Variants in CREBBP observed in about 807,000 individuals in gnomAD.
CREBBP encodes the protein CREB binding lysine acetyltransferase.
In CREBBP, 19 loss-of-function variants were observed where a neutral mutation model predicts 265.0. That is an observed-to-expected ratio of 0.07 (90% CI 0.05 to 0.11). The LOEUF is 0.11. CREBBP is among the 10% of genes least tolerant of loss of function. CREBBP has a pLI of 1.00. For synonymous variants in CREBBP, 1,457 were observed against 1,223.7 expected (o/e 1.19, Z -3.98); for missense variants, 2,525 against 3,219.0 (o/e 0.78, Z 5.22).
intron 19 of CREBBP, among the ~76,000 whole-genome samples, chr16:3,752,554 G>A (rs919527487): frequency 6.6e-6 from 1 of 151,642 alleles, no homozygotes; most frequent in African/African-American, 2.4e-5. Context: ...AATGCAGTCA[G>A]GGTCAAAGAC....
At chr16:3,821,903 ACC>A in intron 2 of CREBBP, among the ~76,000 whole-genome samples, 1 of 152,050 alleles carries the variant, frequency 6.6e-6, no homozygotes, top group South Asian at 2.1e-4. Flanking sequence ...GGTGGCACAC[ACC>A]TGTAGCCCCA....
chr16:3,732,627 C>A (rs1234077628), intron 28 of CREBBP, among the ~76,000 whole-genome samples: 2 of 152,156 alleles, frequency 1.3e-5, no homozygotes, highest in Non-Finnish European at 2.9e-5. Flanking sequence ...GTGGTGTCAT[C>A]TTGGGTTCAA....
chr16:3,751,020 A>AAC (rs2052459861), intron 20 of CREBBP, among the ~76,000 whole-genome samples: 1 of 152,020 alleles, frequency 6.6e-6, no homozygotes, highest in Admixed American at 6.6e-5. Context: ...GCAAGAGTTC[A>AAC]AGACCAGCCT....
In CREBBP at chr16:3,879,949, G is replaced by T. The variant is rs759165980; in HGVS notation, c.-33C>A. On this transcript the variant is annotated 5_prime_UTR_variant, in exon 1 of 31. Coordinates refer to ENST00000262367, the MANE Select transcript of CREBBP (RefSeq NM_004380.3). ...TGCTCGCGAAAACAGCCCCGGGCAC[G>T]GGCGGCCGGGCCGGCGAGGGCCCGG... The T allele has an allele frequency of 1.9e-6, 3 of 1,595,246 alleles. No homozygotes were observed. The highest frequency in any genetic ancestry group is 1.3e-5 in the African/African-American group (1 of 74,170).
chr16:3,867,924 T>C (rs905265677), intron 1 of CREBBP, among the ~76,000 whole-genome samples: 1 of 152,038 alleles, frequency 6.6e-6, no homozygotes, highest in Non-Finnish European at 1.5e-5. Context: ...AGACCCTGTC[T>C]CAAAATAAAT....
intron 3 of CREBBP, among the ~76,000 whole-genome samples, chr16:3,803,664 T>C (rs746829576): frequency 6.6e-6 from 1 of 151,998 alleles, no homozygotes; most frequent in East Asian, 1.9e-4. Context: ...GGGTAAGAAA[T>C]GTGGCCAAGG....
intron 11 of CREBBP, among the ~76,000 whole-genome samples, chr16:3,777,025 T>G (rs901407197): frequency 2.1e-5 from 3 of 140,858 alleles, no homozygotes; most frequent in Non-Finnish European, 3.1e-5. Flanking sequence ...CTCAAAAAAA[T>G]AAAAGAAAAG....
intron 17 of CREBBP, among the ~76,000 whole-genome samples, chr16:3,758,471 T>C (rs540924254): frequency 6.6e-6 from 1 of 152,220 alleles, no homozygotes; most frequent in African/African-American, 2.4e-5. Flanking sequence ...GACTGCTACA[T>C]AGAATCGGCT....
Position 3,850,890 on chromosome 16 carries a change from G to T in CREBBP, c.205C>A (p.Gln69Lys), listed in dbSNP as rs1465658343. The T allele has an allele frequency of 1.2e-6, 2 of 1,614,132 alleles. No individual in the cohort carries two copies. The highest frequency in any genetic ancestry group is 1.3e-5 in the African/African-American group (1 of 75,030). ...CCTCCTCGTAGAAGCTCCGACAGTT[G>T]TTTATGTTTGGAAGCAGCATCTGGA... ...LVPDAASKHK[Q>K]LSELLRGGSG... Residue 69 changes from glutamine to lysine, a missense_variant, in exon 2 of 31, where the codon CAA (glutamine) becomes AAA (lysine). Around this residue, in one of 19 missense-constraint regions of CREBBP, gnomAD observed 356 missense variants for 340.4 expected, o/e 1.05. Transcript: ENST00000262367.
At chr16:3,752,848 G>C (rs991592891) in intron 19 of CREBBP, among the ~76,000 whole-genome samples, 15 of 152,150 alleles carry the variant, frequency 9.9e-5, no homozygotes, top group Non-Finnish European at 1.3e-4. Flanking sequence ...AGACAATATA[G>C]AGCCTGGGCT....
At chr16:3,748,929 T>C (rs2052411215) in intron 21 of CREBBP, among the ~76,000 whole-genome samples, 1 of 152,132 alleles carries the variant, frequency 6.6e-6, no homozygotes, top group African/African-American at 2.4e-5. Flanking sequence ...GCACATCACC[T>C]GAGGTCAGGA....
At chr16:3,836,511 G>C (rs944259234) in intron 2 of CREBBP, among the ~76,000 whole-genome samples, 1 of 151,724 alleles carries the variant, frequency 6.6e-6, no homozygotes, top group African/African-American at 2.4e-5. Context: ...GACAGAAAAA[G>C]GGAGGCATAC....
In CREBBP at chr16:3,729,192, G is replaced by A. The variant is rs1303431695; in HGVS notation, c.5855C>T (p.Pro1952Leu). 1 of 1,534,576 alleles carries A rather than the reference G, an allele frequency of 6.5e-7. No homozygotes were observed. The highest frequency in any genetic ancestry group is 8.7e-7 in the Non-Finnish European group (1 of 1,146,300). ...VPAPPPPAQP[P>L]PAAVEAARQI... ...CCGAGCCGCTTCCACCGCTGCAGGA[G>A]GGGGCTGGGCCGGGGGTGGGGGGGC... is the stretch of plus-strand genomic sequence containing the variant. The change falls in exon 31 of 31, where the codon CCT becomes CTT. Residue 1952 changes from proline (P) to leucine (L), a missense_variant. Around this residue, in one of 19 missense-constraint regions of CREBBP, gnomAD observed 275 missense variants for 276.5 expected, o/e 0.99. Coordinates refer to ENST00000262367, the MANE Select transcript of CREBBP (RefSeq NM_004380.3).
In CREBBP at chr16:3,770,727, C is replaced by T. The variant is rs2052982232; in HGVS notation, c.2723G>A (p.Ser908Asn). The change falls in exon 14 of 31, where the codon AGT (serine) becomes AAT (asparagine). Residue 908 changes from serine to asparagine, a missense_variant. Transcript: ENST00000262367. Reference protein sequence around the residue: ...TPTPTPGSVPSATQTQSTPTV... With the variant: ...TPTPTPGSVPNATQTQSTPTV... The stretch of plus-strand genomic sequence containing the variant: ...AGGGGTGCTCTGGGTTTGGGTAGCA[C>T]TGGGCACTGAGCCAGGAGTCGGGGT... 1.9e-6 allele frequency: 3 copies of T among 1,614,068 alleles called. No homozygotes were observed. The South Asian group carries it at 3.3e-5, about 18-fold the overall frequency.
chr16:3,868,774 C>CCCA (rs2055232194), intron 1 of CREBBP, among the ~76,000 whole-genome samples: 1 of 152,170 alleles, frequency 6.6e-6, no homozygotes, highest in African/African-American at 2.4e-5. Flanking sequence ...GGACTGCTCA[C>CCCA]CCACCACACC....
At chr16:3,818,220 C>T (rs188528246) in intron 2 of CREBBP, among the ~76,000 whole-genome samples, 6 of 152,028 alleles carry the variant, frequency 3.9e-5, no homozygotes, top group South Asian at 2.1e-4. Flanking sequence ...GGCACTGCGA[C>T]GCAGAACTTG....
At chr16:3,733,438 G>A (rs983937004) in intron 28 of CREBBP, among the ~76,000 whole-genome samples, 2 of 151,930 alleles carry the variant, frequency 1.3e-5, no homozygotes, top group Non-Finnish European at 2.9e-5. Context: ...TCCTCCGCAG[G>A]ATTCAGAGAC....
Position 3,729,124 on chromosome 16 carries a change from C to G in CREBBP, c.5923G>C (p.Val1975Leu), listed in dbSNP as rs2151307285. ...EAQQQQHLYR[V>L]NINNSMPPGR... ...GGGGGCATGCTGTTGTTGATGTTCA[C>G]CCGGTACAGGTGCTGCTGCTGCTGG... is the stretch of plus-strand genomic sequence containing the variant. Residue 1975 changes from valine (V) to leucine (L), a missense_variant, in exon 31 of 31, where the codon GTG becomes CTG. By Grantham distance (32) the Val-to-Leu change is conservative (BLOSUM62 1). Around this residue, in one of 19 missense-constraint regions of CREBBP, gnomAD observed 275 missense variants for 276.5 expected, o/e 0.99. Transcript: ENST00000262367. 6.3e-7 allele frequency: 1 copy of G among 1,577,236 alleles called. No homozygotes were observed. Among genetic ancestry groups the G allele is most frequent in the Non-Finnish European group, 8.6e-7 (1 of 1,167,994 alleles).
chr16:3,754,174 T>C (rs1022683546), intron 19 of CREBBP, among the ~76,000 whole-genome samples: 3 of 152,078 alleles, frequency 2.0e-5, no homozygotes, highest in African/African-American at 7.2e-5. Context: ...GCTGGAGAAA[T>C]GGACAATTTA....
Sources: allele counts gnomAD v4.1 joint callset (sites outside exome capture counted in the v4.1 genomes callset), GRCh38; gene constraint gnomAD v4.1.1; regional missense constraint gnomAD v4.1.1; transcripts MANE v1.5; gene names NCBI Gene and HGNC (gene_info 2026-07-23, HGNC 2026-07-21).